PUM1: variants seen among roughly 807,000 people sequenced by gnomAD.
PUM1 encodes the protein pumilio homolog 1.
In PUM1, 13 loss-of-function variants were observed where a neutral mutation model predicts 131.8. That is an observed-to-expected ratio of 0.10 (90% confidence interval 0.06 to 0.16). The LOEUF (loss-of-function observed/expected upper bound fraction) is 0.16. Among genes scored for constraint, PUM1 ranks in the 10% least tolerant of loss-of-function variants. The probability of loss-of-function intolerance (pLI) is 1.00; values close to 1 mark genes in which losing one functional copy is unlikely to be tolerated. For missense variants in PUM1, 961 were observed against 1,512.4 expected, an observed-to-expected ratio of 0.64 and a Z score of 6.05; for synonymous variants, 509 against 556.5, an observed-to-expected ratio of 0.91 and a Z score of 1.20.
intron 3 of PUM1, among the ~76,000 whole-genome samples, chr1:31,028,268 T>A (rs1643294052): frequency 1.3e-5 from 2 of 152,222 alleles, no homozygotes; most frequent in Non-Finnish European, 2.9e-5. Context: ...GGCTCAGCTC[T>A]CTACCTTCTG....
At chr1:30,988,678 T>C (rs1481478131) in intron 7 of PUM1, among the ~76,000 whole-genome samples, 1 of 152,178 alleles carries the variant, frequency 6.6e-6, no homozygotes, top group Admixed American at 6.5e-5. Flanking sequence ...CCTCCGGGAC[T>C]CAATTTTCAA....
At chr1:30,951,228 A>G (rs1639921033) in intron 16 of PUM1, among the ~76,000 whole-genome samples, 1 of 152,176 alleles carries the variant, frequency 6.6e-6, no homozygotes, top group Non-Finnish European at 1.5e-5. Flanking sequence ...TTGTCACCCC[A>G]AGGTGCATCA....
At chr1:31,009,140 G>A (rs533818280) in intron 3 of PUM1, among the ~76,000 whole-genome samples, 2 of 151,128 alleles carry the variant, frequency 1.3e-5, no homozygotes, top group East Asian at 3.9e-4. Flanking sequence ...CTAAGATCAT[G>A]CCACTGAACT....
chr1:30,997,810 T>C (rs1459805961), intron 5 of PUM1, among the ~76,000 whole-genome samples: 1 of 152,064 alleles, frequency 6.6e-6, no homozygotes, highest in African/African-American at 2.4e-5. Flanking sequence ...GTTCAAGTGA[T>C]TCTCCTGCCT....
At chr1:30,968,963 T>C (rs1324881075) in intron 10 of PUM1, among the ~76,000 whole-genome samples, 1 of 152,008 alleles carries the variant, frequency 6.6e-6, no homozygotes, top group Non-Finnish European at 1.5e-5. Context: ...CAATAAACCA[T>C]ACTATATAAT....
intron 19 of PUM1, among the ~76,000 whole-genome samples, chr1:30,941,747 C>T (rs1639445695): frequency 1.3e-5 from 2 of 152,144 alleles, no homozygotes; most frequent in Non-Finnish European, 2.9e-5. Context: ...AAATGTCTAC[C>T]TAAGGTGACA....
chr1:31,038,203 T>TA (rs901692691), intron 2 of PUM1, among the ~76,000 whole-genome samples: 95 of 142,640 alleles, frequency 6.7e-4, no homozygotes, highest in Middle Eastern at 3.5e-3. Context: ...AGCTAAAGGT[T>TA]AAAAAAAAAA....
intron 14 of PUM1, 82 bp from the exon 15 acceptor site, chr1:30,954,063 A>T (rs1640052151): frequency 1.5e-6 from 2 of 1,377,160 alleles, no homozygotes; most frequent in Non-Finnish European, 2.0e-6. Context: ...CCACACCCGA[A>T]AGCCTGCACC....
intron 14 of PUM1, among the ~76,000 whole-genome samples, chr1:30,959,906 CAA>C (rs756601320): frequency 3.0e-4 from 26 of 86,940 alleles, no homozygotes; most frequent in Admixed American, 3.9e-4. Flanking sequence ...GACTCCAGCT[CAA>C]AAAAAAAAAA....
At chr1:30,965,671 T>C (rs985010871) in intron 13 of PUM1, among the ~76,000 whole-genome samples, 1 of 152,216 alleles carries the variant, frequency 6.6e-6, no homozygotes, top group African/African-American at 2.4e-5. Context: ...TAAGTCCTCC[T>C]CCCTCAGTTT....
intron 2 of PUM1, among the ~76,000 whole-genome samples, chr1:31,054,182 C>T (rs1644181118): frequency 6.8e-6 from 1 of 147,624 alleles, no homozygotes; most frequent in African/African-American, 2.5e-5. Flanking sequence ...CAAAGATGAG[C>T]TAGGTGTTGT....
At chr1:31,033,433 C>T (rs1295702776) in intron 2 of PUM1, among the ~76,000 whole-genome samples, 2 of 142,072 alleles carry the variant, frequency 1.4e-5, no homozygotes, top group East Asian at 2.4e-4. Flanking sequence ...TCGCCCAGGC[C>T]GGACTGCGGA....
chr1:30,933,557 A>G (rs1639068736), intron 21 of PUM1, among the ~76,000 whole-genome samples: 1 of 151,872 alleles, frequency 6.6e-6, no homozygotes, highest in Non-Finnish European at 1.5e-5. Context: ...CCATCAGATG[A>G]GGAGAGGAGC....
At chr1:31,055,334 C>T (rs1045923351) in intron 2 of PUM1, 2 of 456,118 alleles carry the variant, frequency 4.4e-6, no homozygotes, top group African/African-American at 4.0e-5. Context: ...ACTGAAGAAC[C>T]TCTCGTCTTC....
At chr1:31,033,437 C>T (rs1643506881) in intron 2 of PUM1, among the ~76,000 whole-genome samples, 1 of 139,174 alleles carries the variant, frequency 7.2e-6, no homozygotes, top group African/African-American at 2.7e-5. Flanking sequence ...CCAGGCCGGA[C>T]TGCGGACTGC....
At chr1:31,016,488 T>C (rs1213396878) in intron 3 of PUM1, among the ~76,000 whole-genome samples, 1 of 152,168 alleles carries the variant, frequency 6.6e-6, no homozygotes, top group African/African-American at 2.4e-5. Flanking sequence ...TATATATGTA[T>C]ATATTCATGG....
intron 5 of PUM1, among the ~76,000 whole-genome samples, chr1:30,998,327 C>T (rs1642059152): frequency 6.6e-6 from 1 of 152,118 alleles, no homozygotes; most frequent in African/African-American, 2.4e-5. Context: ...ACCATTCTGT[C>T]AAAAGTCTGT....
chr1:31,000,147 G>C (rs192749002), intron 5 of PUM1, among the ~76,000 whole-genome samples: 6 of 152,272 alleles, frequency 3.9e-5, no homozygotes. Flanking sequence ...TGAGAACCAA[G>C]GTAATTAAAT....
At chr1:30,949,234 G>A (rs1186628538) in intron 17 of PUM1, 2 of 386,040 alleles carry the variant, frequency 5.2e-6, no homozygotes, top group Admixed American at 5.8e-5. Flanking sequence ...ATTGAGAAGG[G>A]CTCAGTGAGT....
Sources: gnomAD v4.1 joint callset for allele counts (sites outside exome capture counted in the v4.1 genomes callset) on GRCh38, gnomAD v4.1.1 for gene constraint, MANE v1.5 for transcripts, NCBI Gene and HGNC (gene_info 2026-07-23, HGNC 2026-07-21) for gene names.